The following MAP4K1 variants were observed in gnomAD, a reference collection of about 807,000 sequenced individuals.
The protein encoded by MAP4K1 is mitogen-activated protein kinase kinase kinase kinase 1, also known as MAPK/ERK kinase kinase kinase 1.
MAP4K1 carries 35 observed loss-of-function variants against 122.8 expected under a neutral mutation model. That is an observed-to-expected ratio of 0.29 (90% CI 0.22 to 0.38). MAP4K1 has a LOEUF of 0.38. Ranked by LOEUF, MAP4K1 falls within the 10% of genes least tolerant of loss-of-function variation. The probability of loss-of-function intolerance (pLI) is 1.00; values close to 1 mark genes in which losing one functional copy is unlikely to be tolerated. For missense variants in MAP4K1, 791 were observed against 1,072.6 expected (o/e 0.74, Z 3.67); for synonymous variants, 412 against 421.3 (o/e 0.98, Z 0.27).
chr19:38,615,257 G>C (rs1975615832), intron 4 of MAP4K1, among the ~76,000 whole-genome samples: 1 of 151,858 alleles, frequency 6.6e-6, no homozygotes, highest in Non-Finnish European at 1.5e-5. Context: ...AAAGTGGGAG[G>C]AGGTGAGATT....
At chr19:38,596,530 A>C (rs1184102228) in intron 25 of MAP4K1, 44 bp from the exon 26 acceptor site, 1 of 1,458,342 alleles carries the variant, frequency 6.9e-7, no homozygotes, top group African/African-American at 1.4e-5. Context: ...GTGGTTCAGG[A>C]CGGGGCCTCA....
chr19:38,596,919 G>A (rs1599694324), intron 25 of MAP4K1, 115 bp downstream of exon 25: 4 of 964,088 alleles, frequency 4.1e-6, no homozygotes, highest in Admixed American at 2.2e-5. Flanking sequence ...TCGGGAGATT[G>A]GGGCGGGGCC....
At position 38,593,310 on chromosome 19, in the gene MAP4K1, G is replaced by A; in HGVS notation, c.2368C>T (p.Leu790Phe). 1 of 1,612,340 alleles carries A rather than the reference G, an allele frequency of 6.2e-7. No individual in the cohort carries two copies. Reference protein sequence around the residue: ...QLLQELRDPTLTFRLLGSPRP... With the variant: ...QLLQELRDPTFTFRLLGSPRP... The stretch of plus-strand genomic sequence containing the variant: ...GGGGAGCCAAGCAGACGGAAAGTGA[G>A]GGTAGGGTCTCTCAGCTCCTGTAGC... The change falls in exon 30 of 31, where the codon CTC (leucine) becomes TTC (phenylalanine). Residue 790 changes from leucine to phenylalanine, a missense_variant. This residue lies in a region of MAP4K1 where 267 missense variants were observed against 323.0 expected (regional missense o/e 0.83). Coordinates refer to ENST00000396857, the MANE Select transcript of MAP4K1 (RefSeq NM_001042600.3).
intron 30 of MAP4K1, among the ~76,000 whole-genome samples, chr19:38,591,060 C>G (rs1265274255): frequency 6.6e-6 from 1 of 151,842 alleles, no homozygotes; most frequent in Non-Finnish European, 1.5e-5. Flanking sequence ...CATGGTGGCA[C>G]ATGCCTGTAA....
intron 19 of MAP4K1, chr19:38,601,830 T>G: frequency 2.8e-6 from 1 of 359,656 alleles, no homozygotes; most frequent in Non-Finnish European, 5.1e-6. Flanking sequence ...CAGGCTGGAA[T>G]GCAATGACAT....
intron 9 of MAP4K1, among the ~76,000 whole-genome samples, chr19:38,611,612 A>C (rs1189128812): frequency 6.6e-6 from 1 of 151,810 alleles, no homozygotes; most frequent in Non-Finnish European, 1.5e-5. Context: ...GTGAGACAAA[A>C]AAAAAATTTT....
At chr19:38,590,394 A>ATATAT (rs1226154169) in intron 30 of MAP4K1, among the ~76,000 whole-genome samples, 1 of 17,308 alleles carries the variant, frequency 5.8e-5, no homozygotes, top group Admixed American at 1.0e-3. Flanking sequence ...AAAAAAAAAA[A>ATATAT]ATATATATAT....
Position 38,596,455 on chromosome 19 carries a change from G to A in MAP4K1, c.1973C>T (p.Ser658Phe). The part of the protein sequence containing the change: ...QVLFPLPTPL[S>F]VFALLTGPGS... Reference sequence around the variant, plus strand: ...TGGCCCGGTCAGCAGCGCGAACACGGACAGAGGCGTCGGCAGTGGGAACAG... The same window carrying A: ...TGGCCCGGTCAGCAGCGCGAACACGAACAGAGGCGTCGGCAGTGGGAACAG... Residue 658 changes from serine (S) to phenylalanine (F), a missense_variant, in exon 26 of 31, where the codon TCC (serine) becomes TTC (phenylalanine). Coordinates refer to ENST00000396857, the MANE Select transcript of MAP4K1 (RefSeq NM_001042600.3). 6.3e-7 allele frequency: 1 copy of A among 1,580,486 alleles called. No homozygotes were observed. Among genetic ancestry groups the A allele is most frequent in the Non-Finnish European group, 8.6e-7 (1 of 1,167,150 alleles).
chr19:38,615,828 T>C (rs1332593253), intron 4 of MAP4K1, among the ~76,000 whole-genome samples: 1 of 151,750 alleles, frequency 6.6e-6, no homozygotes, highest in Non-Finnish European at 1.5e-5. Flanking sequence ...CGGCTAATTT[T>C]TTGTATTTTT....
chr19:38,598,755 T>C (rs1243117905), intron 22 of MAP4K1, among the ~76,000 whole-genome samples: 1 of 152,184 alleles, frequency 6.6e-6, no homozygotes, highest in East Asian at 1.9e-4. Context: ...GGCTTACACC[T>C]GTAATCCCAG....
Position 38,597,743 on chromosome 19 carries a change from T to A in MAP4K1, c.1670-149A>T. On this transcript the variant is annotated intron_variant, in intron 22 of 30. Transcript: ENST00000396857. This position sits in a 1 kb window ranked among gnomAD's most constrained non-coding sequence, Gnocchi z 4.6. ...AGTACTTGTCATTCATTCATTCATT[T>A]CTCACTCCACATAGATTGAACGTCC... is the stretch of plus-strand genomic sequence containing the variant. The A allele has an allele frequency of 1.6e-6, 1 of 609,592 alleles. No individual in the cohort carries two copies. The highest frequency in any genetic ancestry group is 2.9e-6 in the Non-Finnish European group (1 of 346,816). The allele number at this position is 609,592 out of a possible 1,614,324, so 37.8% of individuals were successfully genotyped here.
intron 11 of MAP4K1, 80 bp from the exon 12 acceptor site, chr19:38,610,105 A>G: frequency 2.0e-6 from 2 of 1,005,646 alleles, no homozygotes; most frequent in African/African-American, 1.6e-5. Context: ...GGACTGGTAC[A>G]GGGCCTTGGG....
chr19:38,589,233 G>C (rs2145926046), intron 30 of MAP4K1: 2 of 173,236 alleles, frequency 1.2e-5, no homozygotes, highest in South Asian at 8.9e-5. Flanking sequence ...AACCTGGGAG[G>C]AGGAGGTTGC....
chr19:38,595,792 A>G (rs1005027924), intron 27 of MAP4K1, 63 bp from the exon 28 acceptor site: 33 of 1,496,370 alleles, frequency 2.2e-5, no homozygotes, highest in Admixed American at 5.2e-5. Flanking sequence ...TAAGGGACCA[A>G]TCCATAAATT....
In MAP4K1 at chr19:38,601,466, G is replaced by A. The variant is rs767241150; in HGVS notation, c.1506C>T (p.Ala502=). 34 of 1,610,054 alleles carry A rather than the reference G, an allele frequency of 2.1e-5. No individual in the cohort carries two copies. The highest frequency in any genetic ancestry group is 1.2e-4 in the South Asian group (11 of 90,100). ...CCTTGGTGGAGGGATGTGTCCAGGC[G>A]GCCGTGCTGTGGATCCGGAGGGGGC... is the stretch of plus-strand genomic sequence containing the variant. ...NGCPLRIHST[A]AWTHPSTKDQ... Residue 502 remains alanine, a synonymous_variant, in exon 20 of 31, where the codon GCC becomes GCT. Coordinates refer to ENST00000396857, the MANE Select transcript of MAP4K1 (RefSeq NM_001042600.3).
Position 38,601,545 on chromosome 19 carries a change from G to A in MAP4K1, c.1447-20C>T, listed in dbSNP as rs1480099124. On this transcript the variant is annotated intron_variant, in intron 19 of 30. Coordinates refer to ENST00000396857, the MANE Select transcript of MAP4K1 (RefSeq NM_001042600.3). ...ACATCCCTGGGCAGGTCGCCGCGGG[G>A]CCAGGCAGCAGATCCGGCAAAGAGA... 1.3e-6 allele frequency: 2 copies of A among 1,580,382 alleles called. No homozygotes were observed. Among genetic ancestry groups the A allele is most frequent in the Non-Finnish European group, 1.7e-6 (2 of 1,160,196 alleles).
Position 38,595,639 on chromosome 19 carries a change from C to T in MAP4K1, c.2269+1G>A. 1 of 1,613,752 alleles carries T rather than the reference C, an allele frequency of 6.2e-7. No individual in the cohort carries two copies. Among genetic ancestry groups the T allele is most frequent in the Non-Finnish European group, 8.5e-7 (1 of 1,179,772 alleles). On this transcript the variant is annotated splice_donor_variant, in intron 28 of 30. Transcript: ENST00000396857. LOFTEE classifies it high-confidence loss of function. ...CTGGGCTCTCCCGTCCCTGCACAGA[C>T]CCACGGCCTCCACCGCTTCGGTCAT...
Position 38,596,324 on chromosome 19 carries a change from C to A in MAP4K1, c.2104G>T (p.Glu702Ter). ...RFGALSCWLG[E>*]MSTEHRGPVQ... ...CCGCCCCACTCACCGGTGCTCATCT[C>A]GCCCAGCCAGCAAGAGAGCGCGCCA... Residue 702 changes from glutamate to a stop codon, truncating the protein, a stop_gained, in exon 26 of 31, where the codon GAG (glutamate) becomes TAG (stop). Transcript: ENST00000396857. LOFTEE classifies it high-confidence loss of function. 1 of 1,585,630 alleles carries A rather than the reference C, an allele frequency of 6.3e-7. No individual in the cohort carries two copies. The highest frequency in any genetic ancestry group is 8.6e-7 in the Non-Finnish European group (1 of 1,165,134).
At chr19:38,604,320 A>G (rs1975259063) in intron 19 of MAP4K1, among the ~76,000 whole-genome samples, 1 of 152,054 alleles carries the variant, frequency 6.6e-6, no homozygotes, top group African/African-American at 2.4e-5. Context: ...CATTTATGAG[A>G]GGTAAAATTT....
Sources: allele counts gnomAD v4.1 joint callset (sites outside exome capture counted in the v4.1 genomes callset), GRCh38; gene constraint gnomAD v4.1.1; regional missense constraint gnomAD v4.1.1; non-coding constraint Gnocchi (gnomAD v3.1); transcripts MANE v1.5; gene names NCBI Gene and HGNC (gene_info 2026-07-23, HGNC 2026-07-21).